Variants in SEC11A observed in about 807,000 individuals in gnomAD.
SEC11A encodes the protein SEC11 homolog A, signal peptidase complex subunit.
Under a neutral mutation model 25.6 loss-of-function variants are expected in SEC11A, and 14 were observed. The ratio of observed to expected loss-of-function variants is 0.55; its 90% confidence interval spans 0.36 to 0.85. SEC11A has a LOEUF of 0.85. Ranked by LOEUF, SEC11A falls within the 40% of genes least tolerant of loss-of-function variation. SEC11A has a pLI of 0.01. For missense variants in SEC11A, 153 were observed against 222.9 expected (o/e 0.69, Z 2.00); for synonymous variants, 83 against 76.4 (o/e 1.09, Z -0.45).
At chr15:84,701,045 C>T (rs1266339085) in intron 1 of SEC11A, among the ~76,000 whole-genome samples, 2 of 124,152 alleles carry the variant, frequency 1.6e-5, no homozygotes, top group Non-Finnish European at 3.4e-5. Context: ...CAAAAAATAA[C>T]AATGTCTGAA....
chr15:84,689,358 T>C (rs980947603), intron 2 of SEC11A, among the ~76,000 whole-genome samples: 5 of 152,150 alleles, frequency 3.3e-5, no homozygotes, highest in Non-Finnish European at 5.9e-5. Flanking sequence ...TACCTGCAAA[T>C]TGATCAAGTT....
At chr15:84,672,900 C>T (rs1358182699) in intron 4 of SEC11A, 1 of 208,590 alleles carries the variant, frequency 4.8e-6, no homozygotes, top group South Asian at 5.4e-5. Context: ...GTGAGGAGCG[C>T]CTCTGCCCGG....
intron 1 of SEC11A, among the ~76,000 whole-genome samples, chr15:84,712,991 G>A (rs1233931027): frequency 6.6e-6 from 1 of 151,994 alleles, no homozygotes; most frequent in African/African-American, 2.4e-5. Flanking sequence ...CGGATCACAA[G>A]GTCAGGAGAT....
intron 1 of SEC11A, among the ~76,000 whole-genome samples, chr15:84,715,279 C>G (rs1898423753): frequency 6.6e-6 from 1 of 152,106 alleles, no homozygotes; most frequent in South Asian, 2.1e-4. Flanking sequence ...AAAGATAAAA[C>G]AGAACAACCT....
chr15:84,688,986 C>T (rs1343932349), intron 2 of SEC11A, among the ~76,000 whole-genome samples: 4 of 148,096 alleles, frequency 2.7e-5, no homozygotes, highest in Non-Finnish European at 4.4e-5. Context: ...GCTGAGATTG[C>T]GCCATTGCAC....
intron 3 of SEC11A, 56 bp from the exon 4 acceptor site, chr15:84,680,888 C>A: frequency 6.6e-7 from 1 of 1,504,010 alleles, no homozygotes. Flanking sequence ...ATTTAAAGCA[C>A]AAAATCTGTT....
chr15:84,712,095 G>C (rs1898291398), intron 1 of SEC11A, among the ~76,000 whole-genome samples: 1 of 151,990 alleles, frequency 6.6e-6, no homozygotes, highest in South Asian at 2.1e-4. Context: ...ACAAAAATTA[G>C]CCAGGCATGG....
At chr15:84,679,817 A>C (rs920148749) in intron 4 of SEC11A, 1 of 674,076 alleles carries the variant, frequency 1.5e-6, no homozygotes. Context: ...CTTGTAAAGC[A>C]CTTAGAATGA....
chr15:84,682,357 T>C (rs979575265), intron 3 of SEC11A, among the ~76,000 whole-genome samples: 6 of 152,136 alleles, frequency 3.9e-5, no homozygotes, highest in African/African-American at 4.8e-5. Context: ...GAATTACTTT[T>C]ATATTAGGAA....
intron 1 of SEC11A, among the ~76,000 whole-genome samples, chr15:84,708,924 G>A (rs960709027): frequency 6.6e-6 from 1 of 152,076 alleles, no homozygotes; most frequent in Non-Finnish European, 1.5e-5. Flanking sequence ...AAGTCTCAAG[G>A]ACTTTACATT....
chr15:84,689,010 A>G (rs1053214130), intron 2 of SEC11A, among the ~76,000 whole-genome samples: 2 of 149,520 alleles, frequency 1.3e-5, no homozygotes, highest in Non-Finnish European at 3.0e-5. Context: ...AGCCTGGGCA[A>G]TACAGTGAGA....
chr15:84,685,591 A>G (rs1240010436), intron 3 of SEC11A, among the ~76,000 whole-genome samples: 6 of 151,808 alleles, frequency 4.0e-5, no homozygotes, highest in Non-Finnish European at 8.8e-5. Context: ...CTCAATTTCA[A>G]AGGATCACAA....
intron 2 of SEC11A, among the ~76,000 whole-genome samples, chr15:84,688,375 C>A (rs371559761): frequency 1.3e-5 from 2 of 152,188 alleles, no homozygotes; most frequent in East Asian, 1.9e-4. Context: ...CTAAGAATTT[C>A]CGAAGCCAGG....
chr15:84,715,914 A>G, intron 1 of SEC11A, 111 bp downstream of exon 1: 2 of 962,424 alleles, frequency 2.1e-6, no homozygotes, highest in Non-Finnish European at 3.2e-6. Context: ...TGACCCGGGT[A>G]TCAGACCAGC....
chr15:84,692,254 A>G (rs1897634086), intron 1 of SEC11A: 1 of 151,966 alleles, frequency 6.6e-6, no homozygotes, highest in Non-Finnish European at 1.5e-5. Flanking sequence ...CTGGTCTCGA[A>G]CTCTTGACCT....
At chr15:84,677,370 T>C (rs1303845762) in intron 4 of SEC11A, among the ~76,000 whole-genome samples, 1 of 152,064 alleles carries the variant, frequency 6.6e-6, no homozygotes, top group African/African-American at 2.4e-5. Context: ...CAGAGAGTAC[T>C]AGACTATTAC....
intron 4 of SEC11A, chr15:84,679,896 C>A: frequency 6.9e-7 from 1 of 1,440,284 alleles, no homozygotes; most frequent in Non-Finnish European, 9.4e-7. Context: ...ATTAAGGGAG[C>A]AACAATGCCA....
rs1897101904 is a variant in SEC11A at position 84,675,113 on chromosome 15, C to T, written c.432-4331G>A. Among the ~76,000 whole-genome samples the T allele has an allele frequency of 2.0e-5, 3 of 152,292 alleles. No individual in the cohort carries two copies. In the Middle Eastern group the frequency reaches 0.01, roughly 518 times the overall value. ...AATTCAAACCATTTGCACTTTTTGC[C>T]TATTTTGCTCAGATAAACTCATGTG... On this transcript the variant is annotated intron_variant, in intron 4 of 5. Transcript: ENST00000268220.
At chr15:84,713,332 T>G (rs1321554473) in intron 1 of SEC11A, among the ~76,000 whole-genome samples, 1 of 151,962 alleles carries the variant, frequency 6.6e-6, no homozygotes, top group African/African-American at 2.4e-5. Flanking sequence ...ATATGTAATA[T>G]GTAATTAGGT....
Sources: gnomAD v4.1 joint callset for allele counts (sites outside exome capture counted in the v4.1 genomes callset) on GRCh38, gnomAD v4.1.1 for gene constraint, MANE v1.5 for transcripts, NCBI Gene and HGNC (gene_info 2026-07-23, HGNC 2026-07-21) for gene names.